The following PAX5 variants were observed in gnomAD, a reference collection of about 807,000 sequenced individuals.
The protein encoded by PAX5 is paired box 5.
In PAX5, 9 loss-of-function variants were observed where a neutral mutation model predicts 43.7. The observed-to-expected ratio is 0.21, with a 90% CI of 0.12 to 0.36. The LOEUF is 0.36. Ranked by LOEUF, PAX5 falls within the 10% of genes least tolerant of loss-of-function variation. The pLI, the probability that PAX5 is intolerant of heterozygous loss-of-function variation, is 1.00. For missense variants in PAX5, 383 were observed against 532.7 expected, an observed-to-expected ratio of 0.72 and a Z score of 2.77; for synonymous variants, 228 against 214.3, an observed-to-expected ratio of 1.06 and a Z score of -0.56.
intron 6 of PAX5, among the ~76,000 whole-genome samples, chr9:36,933,517 G>A (rs901644919): frequency 6.6e-6 from 1 of 152,194 alleles, no homozygotes; most frequent in African/African-American, 2.4e-5. Flanking sequence ...AGCTCAGAGA[G>A]GGGAGCCCTG....
chr9:37,003,258 G>A (rs1445589125), intron 4 of PAX5, among the ~76,000 whole-genome samples: 3 of 150,698 alleles, frequency 2.0e-5, no homozygotes, highest in Admixed American at 2.0e-4. Context: ...AACTACCTGA[G>A]CACAAACTCA....
chr9:36,910,464 TG>T (rs1829175812), intron 7 of PAX5, among the ~76,000 whole-genome samples: 1 of 152,220 alleles, frequency 6.6e-6, no homozygotes, highest in African/African-American at 2.4e-5. Context: ...GGATGGACAT[TG>T]GGGTGTATCT....
intron 5 of PAX5, among the ~76,000 whole-genome samples, chr9:36,991,770 G>C (rs138264531): frequency 8.4e-5 from 12 of 142,070 alleles, no homozygotes; most frequent in African/African-American, 3.1e-4. Flanking sequence ...CTGGTGGCTG[G>C]TGCTGGGAAG....
chr9:36,935,883 A>G (rs2132034159), intron 6 of PAX5, among the ~76,000 whole-genome samples: 1 of 152,326 alleles, frequency 6.6e-6, no homozygotes, highest in East Asian at 1.9e-4. Flanking sequence ...GAGGTCCTAC[A>G]GGTGCCAGTG....
At chr9:36,860,692 G>A (rs565604701) in intron 8 of PAX5, among the ~76,000 whole-genome samples, 62 of 152,226 alleles carry the variant, frequency 4.1e-4, no homozygotes, top group African/African-American at 1.4e-3. Context: ...CAGTTCCCAC[G>A]GCCTCTGAAA....
At chr9:37,018,602 C>T (rs553419963) in intron 2 of PAX5, among the ~76,000 whole-genome samples, 1 of 128,172 alleles carries the variant, frequency 7.8e-6, no homozygotes, top group Non-Finnish European at 1.7e-5. Context: ...GTGGATTGAA[C>T]GGCCCCAGTT....
intron 6 of PAX5, among the ~76,000 whole-genome samples, chr9:36,937,256 G>C (rs1831634259): frequency 6.6e-6 from 1 of 152,080 alleles, no homozygotes; most frequent in Non-Finnish European, 1.5e-5. Context: ...AACCCTACAG[G>C]GTAAGTATTA....
At chr9:37,023,181 A>G (rs563815853) in intron 1 of PAX5, among the ~76,000 whole-genome samples, 7 of 152,324 alleles carry the variant, frequency 4.6e-5, no homozygotes, top group African/African-American at 1.4e-4. Flanking sequence ...CAGGCAGAGG[A>G]GAGGGAAAAG....
At chr9:36,941,657 G>T (rs1366643767) in intron 6 of PAX5, among the ~76,000 whole-genome samples, 1 of 152,162 alleles carries the variant, frequency 6.6e-6, no homozygotes, top group Non-Finnish European at 1.5e-5. Flanking sequence ...CTTTGCCTGG[G>T]CTCCCCCCTT....
intron 1 of PAX5, among the ~76,000 whole-genome samples, chr9:37,025,699 T>A (rs1840274887): frequency 6.6e-6 from 1 of 152,174 alleles, no homozygotes; most frequent in Admixed American, 6.5e-5. Context: ...ATTGGCAGGA[T>A]CCCTGCGGGC....
At chr9:36,930,739 C>A (rs971694864) in intron 6 of PAX5, 2 of 756,030 alleles carry the variant, frequency 2.6e-6, no homozygotes, top group South Asian at 1.7e-5. Context: ...CCTACCTCGA[C>A]GATCATGAGA....
rs12684219 is a variant in PAX5, at chr9:37,032,229, G to A, written c.46+1757C>T. On this transcript the variant is annotated intron_variant, in intron 1 of 9. Transcript: ENST00000358127. ...GCTTTATTGATTAAATGATTATTCA[G>A]GCAATTGAACTAATCAAAGAGCCCA... 5.2e-4 allele frequency among the ~76,000 whole-genome samples: 79 copies of A among 152,004 alleles called. 1 individual carries two copies. The East Asian group carries it at 0.015, about 28-fold the overall frequency.
At chr9:36,848,950 C>T (rs1281810717) in intron 8 of PAX5, among the ~76,000 whole-genome samples, 1 of 152,184 alleles carries the variant, frequency 6.6e-6, no homozygotes, top group Non-Finnish European at 1.5e-5. Context: ...GTCAGTGTCA[C>T]CCACCATCCT....
intron 6 of PAX5, among the ~76,000 whole-genome samples, chr9:36,927,485 C>T (rs1163797973): frequency 2.6e-5 from 4 of 152,164 alleles, no homozygotes; most frequent in Non-Finnish European, 4.4e-5. Flanking sequence ...AAACAAAGCT[C>T]GTTCAGCCAC....
intron 7 of PAX5, among the ~76,000 whole-genome samples, chr9:36,901,080 A>G (rs772289313): frequency 6.6e-6 from 1 of 152,032 alleles, no homozygotes; most frequent in Non-Finnish European, 1.5e-5. Flanking sequence ...CACCTGGGTC[A>G]GGTCAGGTCT....
intron 6 of PAX5, among the ~76,000 whole-genome samples, chr9:36,951,888 C>T (rs146373788): frequency 3.3e-5 from 5 of 152,240 alleles, no homozygotes; most frequent in Non-Finnish European, 7.4e-5. Flanking sequence ...TTAATTTGCT[C>T]ACTGGCATCC....
At chr9:36,968,867 G>A (rs1834680576) in intron 5 of PAX5, among the ~76,000 whole-genome samples, 1 of 152,130 alleles carries the variant, frequency 6.6e-6, no homozygotes, top group African/African-American at 2.4e-5. Context: ...TCTTCCATTG[G>A]TCAGCACCCA....
intron 5 of PAX5, among the ~76,000 whole-genome samples, chr9:36,990,934 A>G (rs761735428): frequency 1.3e-5 from 2 of 152,138 alleles, no homozygotes; most frequent in Non-Finnish European, 2.9e-5. Flanking sequence ...ACATGGTGAA[A>G]TCCCATCTCT....
intron 8 of PAX5, among the ~76,000 whole-genome samples, chr9:36,867,986 C>T (rs1006012941): frequency 1.3e-5 from 2 of 152,190 alleles, no homozygotes; most frequent in African/African-American, 4.8e-5. Context: ...CCCGCGTTCC[C>T]GGCCCCGGGA....
Sources: allele counts gnomAD v4.1 joint callset (sites outside exome capture counted in the v4.1 genomes callset), GRCh38; gene constraint gnomAD v4.1.1; transcripts MANE v1.5; gene names NCBI Gene and HGNC (gene_info 2026-07-23, HGNC 2026-07-21).